Variants in ARID1B observed in about 807,000 individuals in gnomAD.
ARID1B encodes the protein AT-rich interaction domain 1B.
Under a neutral mutation model 212.3 loss-of-function variants are expected in ARID1B, and 30 were observed. That is an observed-to-expected ratio of 0.14 (90% CI 0.11 to 0.19). The LOEUF is 0.19. Ranked by LOEUF, ARID1B falls within the 10% of genes least tolerant of loss-of-function variation. The probability of loss-of-function intolerance (pLI) is 1.00; values close to 1 mark genes in which losing one functional copy is unlikely to be tolerated. For missense variants in ARID1B, 2,891 were observed against 3,204.0 expected, an observed-to-expected ratio of 0.90 and a Z score of 2.36; for synonymous variants, 1,402 against 1,301.7, an observed-to-expected ratio of 1.08 and a Z score of -1.66.
intron 4 of ARID1B, among the ~76,000 whole-genome samples, chr6:157,050,854 G>A (rs1005137035): frequency 1.3e-5 from 2 of 152,172 alleles, no homozygotes; most frequent in Non-Finnish European, 2.9e-5. Context: ...GCACATATAT[G>A]TGTGTTACAC....
In ARID1B at chr6:156,798,182, C is replaced by T. The variant is rs559159092; in HGVS notation, c.1791+18711C>T. ...AAGAGGGTGGAGCGCCTGCGCCTGC[C>T]GCTCTGCTTTCTCTGCTGGGTGCTG... is the stretch of plus-strand genomic sequence containing the variant. On this transcript the variant is annotated intron_variant, in intron 1 of 19. Transcript: ENST00000636930. Among the ~76,000 whole-genome samples, 4 of 152,322 alleles carry T rather than the reference C, an allele frequency of 2.6e-5. No homozygotes were observed. The South Asian group carries it at 8.3e-4, about 32-fold the overall frequency.
intron 4 of ARID1B, chr6:157,072,480 T>C (rs1397784793): frequency 1.3e-5 from 2 of 152,248 alleles, no homozygotes; most frequent in Non-Finnish European, 2.9e-5. Flanking sequence ...TAAATAAGCC[T>C]GCATGCTCAT....
intron 1 of ARID1B, among the ~76,000 whole-genome samples, chr6:156,816,480 A>T (rs1175456571): frequency 6.6e-6 from 1 of 152,234 alleles, no homozygotes; most frequent in Non-Finnish European, 1.5e-5. Context: ...AGGAAAAAAC[A>T]TATCTGGCCT....
intron 4 of ARID1B, among the ~76,000 whole-genome samples, chr6:157,060,362 AATT>A (rs1308078977): frequency 2.0e-5 from 3 of 152,208 alleles, no homozygotes; most frequent in Admixed American, 6.5e-5. Flanking sequence ...GAACAAAAAT[AATT>A]ATTAATAATT....
At chr6:157,195,786 C>T (rs375913566) in intron 15 of ARID1B, 10 of 229,220 alleles carry the variant, frequency 4.4e-5, no homozygotes, top group Admixed American at 2.4e-4. Context: ...ACAGGCCAGG[C>T]GCAGTGGCTC....
At chr6:156,868,622 AGTACCATTCATGAGGGCTGT>A (rs1785889288) in intron 2 of ARID1B, among the ~76,000 whole-genome samples, 6 of 152,096 alleles carry the variant, frequency 3.9e-5, no homozygotes, top group Non-Finnish European at 7.4e-5. Context: ...TAAGGGCTTC[AGTACCATTCATGAGGGCTGT>A]GCCCTCATGA....
intron 4 of ARID1B, among the ~76,000 whole-genome samples, chr6:157,032,094 G>C (rs1781049253): frequency 6.6e-6 from 1 of 152,188 alleles, no homozygotes. Context: ...ACCACGCCCG[G>C]CCCAAAATGA....
rs566378774 is a variant in ARID1B at position 157,140,761 on chromosome 6, T to C, written c.2761+7554T>C. 2.3e-5 allele frequency: 9 copies of C among 397,738 alleles called. No homozygotes were observed. In the South Asian group the frequency reaches 7.8e-4, roughly 34 times the overall value. 24.6% of individuals were successfully genotyped at this position (397,738 alleles called of 1,614,324 possible). A position where few individuals can be genotyped will look rare whatever the true frequency, so the allele number is the denominator to read the frequency against. Reference sequence around the variant, plus strand: ...GGCCTCTGAGCATACCCACGTGTCCTTGGGGTCCGCCTCTGACGTTAGCCC... The same window carrying C: ...GGCCTCTGAGCATACCCACGTGTCCCTGGGGTCCGCCTCTGACGTTAGCCC... On this transcript the variant is annotated intron_variant, in intron 7 of 19. Coordinates refer to ENST00000636930, the MANE Select transcript of ARID1B (RefSeq NM_001374828.1).
intron 3 of ARID1B, among the ~76,000 whole-genome samples, chr6:156,923,364 T>C (rs1790959497): frequency 6.6e-6 from 1 of 152,170 alleles, no homozygotes; most frequent in South Asian, 2.1e-4. Flanking sequence ...CGGTTGGGAA[T>C]TGTCAGCTGT....
At chr6:157,106,074 C>G (rs1409534789) in intron 5 of ARID1B, among the ~76,000 whole-genome samples, 2 of 152,112 alleles carry the variant, frequency 1.3e-5, no homozygotes, top group Non-Finnish European at 2.9e-5. Context: ...TTTCCCTGAA[C>G]ATAGACCCCA....
intron 4 of ARID1B, among the ~76,000 whole-genome samples, chr6:156,967,099 G>A (rs186193776): frequency 6.6e-6 from 1 of 152,216 alleles, no homozygotes; most frequent in Admixed American, 6.5e-5. Flanking sequence ...TGATAACGCT[G>A]TCTTACTTTT....
chr6:156,952,387 T>A (rs1793653516), intron 4 of ARID1B, among the ~76,000 whole-genome samples: 1 of 152,254 alleles, frequency 6.6e-6, no homozygotes, highest in South Asian at 2.1e-4. Flanking sequence ...TTGAATACGT[T>A]ATAAAATTGG....
intron 12 of ARID1B, among the ~76,000 whole-genome samples, chr6:157,183,888 GCCCAAAAA>G (rs1792758056): frequency 6.6e-6 from 1 of 152,190 alleles, no homozygotes; most frequent in African/African-American, 2.4e-5. Flanking sequence ...TCACATCAGT[GCCCAAAAA>G]CCTAACTTGG....
rs562134073 is a variant in ARID1B at position 156,885,309 on chromosome 6, T to C, written c.1987-16067T>C. On this transcript the variant is annotated intron_variant, in intron 2 of 19. Coordinates refer to ENST00000636930, the MANE Select transcript of ARID1B (RefSeq NM_001374828.1). Reference sequence around the variant, plus strand: ...AGGTGCTTAGAATGGACAATCAGAATACATCCATGTTGAAGTATTGGTTTG... The same window carrying C: ...AGGTGCTTAGAATGGACAATCAGAACACATCCATGTTGAAGTATTGGTTTG... Among the ~76,000 whole-genome samples the C allele has an allele frequency of 9.2e-5, 14 of 152,366 alleles. No homozygotes were observed. The South Asian group carries it at 2.9e-3, about 32-fold the overall frequency.
At chr6:157,035,557 C>T (rs1781274622) in intron 4 of ARID1B, among the ~76,000 whole-genome samples, 1 of 152,182 alleles carries the variant, frequency 6.6e-6, no homozygotes, top group Non-Finnish European at 1.5e-5. Context: ...ATCTAACAGC[C>T]TTGGAAATTA....
chr6:156,826,407 T>C (rs1782743479), intron 1 of ARID1B, among the ~76,000 whole-genome samples: 1 of 152,262 alleles, frequency 6.6e-6, no homozygotes, highest in South Asian at 2.1e-4. Flanking sequence ...GTGACCTGTT[T>C]AGTCTGTCTC....
chr6:157,174,742 T>C, intron 10 of ARID1B, 105 bp from the exon 11 acceptor site: 1 of 308,384 alleles, frequency 3.2e-6, no homozygotes, highest in South Asian at 1.1e-4. Context: ...ATATATATAA[T>C]ATATATAAAA....
intron 4 of ARID1B, among the ~76,000 whole-genome samples, chr6:156,962,460 C>G (rs1583035535): frequency 6.6e-6 from 1 of 152,072 alleles, no homozygotes; most frequent in East Asian, 1.9e-4. Flanking sequence ...TTTCTTTTCT[C>G]TTTTGGGGCG....
intron 6 of ARID1B, among the ~76,000 whole-genome samples, chr6:157,119,892 G>T (rs1008003720): frequency 2.0e-5 from 3 of 152,204 alleles, no homozygotes; most frequent in Non-Finnish European, 1.5e-5. Context: ...AGGGACTTTG[G>T]AATCAGAAGA....
Sources: allele counts gnomAD v4.1 joint callset (sites outside exome capture counted in the v4.1 genomes callset), GRCh38; gene constraint gnomAD v4.1.1; transcripts MANE v1.5; gene names NCBI Gene and HGNC (gene_info 2026-07-23, HGNC 2026-07-21).